DICER1: variants seen among roughly 807,000 people sequenced by gnomAD.
DICER1 encodes endoribonuclease Dicer.
In DICER1, 43 loss-of-function variants were observed where a neutral mutation model predicts 194.1. That is an observed-to-expected ratio of 0.22 (90% CI 0.17 to 0.29). The LOEUF (loss-of-function observed/expected upper bound fraction) is 0.29, where lower values mean the gene tolerates loss of function less well. DICER1 is among the 10% of genes least tolerant of loss of function. DICER1 has a pLI of 1.00. For missense variants in DICER1, 1,608 were observed against 2,317.0 expected (o/e 0.69, Z 6.28); for synonymous variants, 832 against 820.5 (o/e 1.01, Z -0.24).
At chr14:95,133,264 T>C (rs758208469) in intron 2 of DICER1, 51 bp downstream of exon 2, 3 of 1,594,582 alleles carry the variant, frequency 1.9e-6, no homozygotes, top group South Asian at 2.2e-5. Flanking sequence ...TATATGCTAA[T>C]GTATTCCATT....
chr14:95,108,260 T>G, intron 15 of DICER1, 64 bp downstream of exon 15: 2 of 1,516,164 alleles, frequency 1.3e-6, no homozygotes, highest in South Asian at 1.1e-5. Context: ...ACTACTAGTT[T>G]TTTTTTTTTT....
In DICER1 at chr14:95,107,777, C is replaced by T. The variant is rs189738689; in HGVS notation, c.2651-16G>A. 21 of 1,612,624 alleles carry T rather than the reference C, an allele frequency of 1.3e-5. No individual in the cohort carries two copies. The East Asian group carries it at 1.3e-4, about 10-fold the overall frequency. ...GAGTCATTAACTTAGAAGAGAAAAA[C>T]GACTCTTTAGCTTGTTAAAACATGA... On this transcript the variant is annotated splice_polypyrimidine_tract_variant and intron_variant, in intron 16 of 26. Coordinates refer to ENST00000343455, the MANE Select transcript of DICER1 (RefSeq NM_177438.3).
rs778417701 is a variant in DICER1 at position 95,096,441 on chromosome 14, T to C, written c.4479A>G (p.Pro1493=). The part of the protein sequence containing the change: ...MPKKSSLGSM[P]FSSDFEDFDY... The stretch of plus-strand genomic sequence containing the variant: ...CAAAATCCTCAAAATCTGATGAAAA[T>C]GGCATACTACCTAAGGAGGATTTTT... Residue 1493 remains proline, a synonymous_variant, in exon 23 of 27, where the codon CCA becomes CCG. Coordinates refer to ENST00000343455, the MANE Select transcript of DICER1 (RefSeq NM_177438.3). 7 of 1,614,084 alleles carry C rather than the reference T, an allele frequency of 4.3e-6. No individual in the cohort carries two copies. Among genetic ancestry groups the C allele is most frequent in the Non-Finnish European group, 5.1e-6 (6 of 1,180,044 alleles).
At chr14:95,130,801 G>A (rs1893888739) in intron 4 of DICER1, among the ~76,000 whole-genome samples, 1 of 152,198 alleles carries the variant, frequency 6.6e-6, no homozygotes, top group African/African-American at 2.4e-5. Context: ...GCACATGCTG[G>A]CTGCATGGAA....
At chr14:95,091,874 T>C (rs959888588) in intron 24 of DICER1, among the ~76,000 whole-genome samples, 1 of 152,180 alleles carries the variant, frequency 6.6e-6, no homozygotes, top group Non-Finnish European at 1.5e-5. Context: ...CCAAGTTCCC[T>C]CTTCATTAAG....
intron 8 of DICER1, among the ~76,000 whole-genome samples, chr14:95,118,059 A>C (rs1892639533): frequency 6.6e-6 from 1 of 152,210 alleles, no homozygotes; most frequent in Non-Finnish European, 1.5e-5. Context: ...GCCCAGGATG[A>C]GACTGAGCTA....
intron 1 of DICER1, among the ~76,000 whole-genome samples, chr14:95,150,553 A>G (rs765606841): frequency 1.1e-4 from 16 of 152,240 alleles, no homozygotes; most frequent in Non-Finnish European, 2.2e-4. Flanking sequence ...CTGAATGTCA[A>G]CTAATAAATG....
intron 14 of DICER1, among the ~76,000 whole-genome samples, chr14:95,109,298 T>C (rs1891742239): frequency 6.6e-6 from 1 of 152,230 alleles, no homozygotes; most frequent in South Asian, 2.1e-4. Flanking sequence ...CATCTGTAGT[T>C]AAAAGGTACA....
chr14:95,128,435 G>C (rs1398901577), intron 6 of DICER1, among the ~76,000 whole-genome samples: 1 of 152,188 alleles, frequency 6.6e-6, no homozygotes, highest in African/African-American at 2.4e-5. Flanking sequence ...GTTGGCTCAA[G>C]AAGTCAGACA....
In DICER1 at chr14:95,126,245, C is replaced by T. The variant is rs527284046; in HGVS notation, c.903+335G>A. ...TCCAGTTACACACACTAGGAAACTGCGGAAGAATTTGTTTAATTCAAGGGT... is the reference window on the plus strand; with the variant it reads ...TCCAGTTACACACACTAGGAAACTGTGGAAGAATTTGTTTAATTCAAGGGT... On this transcript the variant is annotated intron_variant, in intron 7 of 26. Transcript: ENST00000343455. Among the ~76,000 whole-genome samples the T allele has an allele frequency of 1.2e-4, 18 of 152,158 alleles. No individual in the cohort carries two copies. In the South Asian group the frequency reaches 1.3e-3, roughly 11 times the overall value.
intron 8 of DICER1, among the ~76,000 whole-genome samples, chr14:95,122,011 C>G (rs1595431059): frequency 6.6e-6 from 1 of 152,158 alleles, no homozygotes; most frequent in East Asian, 1.9e-4. Flanking sequence ...AGGAAAGAAT[C>G]TGAATTTCAG....
chr14:95,133,388 A>G lies in DICER1; in HGVS notation c.71T>C (p.Met24Thr), dbSNP rs1349780844. 3.1e-6 allele frequency: 5 copies of G among 1,614,072 alleles called. No individual in the cohort carries two copies. The South Asian group carries it at 5.5e-5, about 18-fold the overall frequency. ...CCATGGCAGTCCAAAGAAAGGACCC[A>G]TTGGTGAGGAAGCAGGGGTCATGAG... ...LQLMTPASSP[M>T]GPFFGLPWQQ... The change falls in exon 2 of 27, where the codon ATG (methionine) becomes ACG (threonine). Residue 24 changes from methionine (M) to threonine (T), a missense_variant. By Grantham distance (81) the Met-to-Thr change is moderately conservative (BLOSUM62 -1). Transcript: ENST00000343455.
rs775712479 is a variant in DICER1 at position 95,096,504 on chromosome 14, A to G, written c.4416T>C (p.Phe1472=). Residue 1472 remains phenylalanine (F), a synonymous_variant, in exon 23 of 27, where the codon TTT becomes TTC. Coordinates refer to ENST00000343455, the MANE Select transcript of DICER1 (RefSeq NM_177438.3). ...AFVKKISLSP[F]STTDSAYEWK... ...ATTCATATGCAGAATCAGTGGTTGA[A>G]AAAGGAGAAAGAGAGATTTTCTTTA... 20 of 1,614,200 alleles carry G rather than the reference A, an allele frequency of 1.2e-5. No homozygotes were observed. In the East Asian group the frequency reaches 3.8e-4, roughly 31 times the overall value.
At chr14:95,106,412 GACAC>G (rs1461441190) in intron 17 of DICER1, among the ~76,000 whole-genome samples, 189 bp from the exon 18 acceptor site, 2 of 151,686 alleles carry the variant, frequency 1.3e-5, no homozygotes, top group Non-Finnish European at 2.9e-5. Context: ...AGTAAAAATG[GACAC>G]ATTATTGTCC....
chr14:95,090,827 C>G (rs1018552168), intron 26 of DICER1, 164 bp from the exon 27 acceptor site: 3 of 992,690 alleles, frequency 3.0e-6, no homozygotes, highest in Non-Finnish European at 4.7e-6. Flanking sequence ...CCCCGACAGA[C>G]AGGGCTGCCG....
intron 8 of DICER1, among the ~76,000 whole-genome samples, chr14:95,118,201 C>A (rs1208623226): frequency 6.6e-6 from 1 of 152,192 alleles, no homozygotes; most frequent in Non-Finnish European, 1.5e-5. Flanking sequence ...AGACCATGCA[C>A]AGCTTGAGCT....
rs535171242 is a variant in DICER1 at position 95,157,306 on chromosome 14, C to T, written c.-122G>A. On this transcript the variant is annotated 5_prime_UTR_variant, in exon 1 of 27. Coordinates refer to ENST00000343455, the MANE Select transcript of DICER1 (RefSeq NM_177438.3). ...CGCGCGCGTCACAGCCCAGGCCTCC[C>T]GGAGCCGCCCGGCGCCGCCGCCCCC... is the stretch of plus-strand genomic sequence containing the variant. 397 of 154,928 alleles carry T rather than the reference C, an allele frequency of 2.6e-3. 2 individuals carry two copies. The highest frequency in any genetic ancestry group is 8.5e-3 in the African/African-American group (351 of 41,480). 9.6% of individuals were successfully genotyped at this position (154,928 alleles called of 1,614,324 possible).
At chr14:95,146,284 C>A (rs1448434481) in intron 1 of DICER1, among the ~76,000 whole-genome samples, 1 of 152,238 alleles carries the variant, frequency 6.6e-6, no homozygotes, top group African/African-American at 2.4e-5. Flanking sequence ...GGCACACTTT[C>A]CTCTGATTGA....
chr14:95,126,940 G>A (rs1306204868), intron 6 of DICER1, among the ~76,000 whole-genome samples, 192 bp from the exon 7 acceptor site: 1 of 151,554 alleles, frequency 6.6e-6, no homozygotes, highest in Non-Finnish European at 1.5e-5. Flanking sequence ...TTTCTCAACA[G>A]TAAATAATGT....
Sources: allele counts gnomAD v4.1 joint callset (sites outside exome capture counted in the v4.1 genomes callset), GRCh38; gene constraint gnomAD v4.1.1; transcripts MANE v1.5; gene names NCBI Gene and HGNC (gene_info 2026-07-23, HGNC 2026-07-21).